The following LRRC4C variants were observed in gnomAD, a reference collection of about 807,000 sequenced individuals.
LRRC4C encodes leucine-rich repeat-containing protein 4C.
Under a neutral mutation model 33.6 loss-of-function variants are expected in LRRC4C, and 5 were observed. The observed-to-expected ratio is 0.15, with a 90% CI of 0.08 to 0.31. The LOEUF is 0.31. Ranked by LOEUF, LRRC4C falls within the 10% of genes least tolerant of loss-of-function variation. The probability of loss-of-function intolerance (pLI) is 1.00; values close to 1 mark genes in which losing one functional copy is unlikely to be tolerated. For missense variants in LRRC4C, 560 were observed against 796.7 expected, an observed-to-expected ratio of 0.70 and a Z score of 3.58; for synonymous variants, 329 against 302.0, an observed-to-expected ratio of 1.09 and a Z score of -0.93.
intron 2 of LRRC4C, among the ~76,000 whole-genome samples, chr11:40,834,907 G>GAC (rs778150169): frequency 0.16 from 7,152 of 44,412 alleles, 210 homozygotes; most frequent in Middle Eastern, 0.23. Flanking sequence ...CAGACAGACA[G>GAC]ACAGACACAC....
chr11:40,825,107 T>C (rs1366392805), intron 2 of LRRC4C, among the ~76,000 whole-genome samples: 1 of 151,892 alleles, frequency 6.6e-6, no homozygotes, highest in Non-Finnish European at 1.5e-5. Flanking sequence ...AACTCCGAGG[T>C]AGATGTTAAA....
intron 4 of LRRC4C, among the ~76,000 whole-genome samples, chr11:40,306,464 T>C (rs983665208): frequency 6.6e-6 from 1 of 152,156 alleles, no homozygotes; most frequent in Admixed American, 6.5e-5. Context: ...CACCCACACA[T>C]TCATTTATGT....
At chr11:40,306,894 T>C (rs894969459) in intron 4 of LRRC4C, among the ~76,000 whole-genome samples, 26 of 152,024 alleles carry the variant, frequency 1.7e-4, no homozygotes, top group African/African-American at 6.0e-4. Flanking sequence ...CGATTACTCA[T>C]CTATAAAATA....
At chr11:41,011,018 G>A (rs201904293) in intron 1 of LRRC4C, among the ~76,000 whole-genome samples, 1 of 152,120 alleles carries the variant, frequency 6.6e-6, no homozygotes, top group African/African-American at 2.4e-5. Flanking sequence ...TTACTGGCTT[G>A]AACAAGTCAT....
At chr11:40,813,395 A>G (rs1239004445) in intron 2 of LRRC4C, among the ~76,000 whole-genome samples, 1 of 152,152 alleles carries the variant, frequency 6.6e-6, no homozygotes, top group African/African-American at 2.4e-5. Context: ...TCCCATTTAT[A>G]AAACCATCAG....
intron 2 of LRRC4C, among the ~76,000 whole-genome samples, chr11:40,680,360 T>C (rs1944623695): frequency 6.6e-6 from 1 of 152,130 alleles, no homozygotes; most frequent in African/African-American, 2.4e-5. Context: ...TGGGGGACTG[T>C]TGGGAGGCAT....
chr11:40,766,980 T>C lies in LRRC4C; in HGVS notation c.-406-118702A>G, dbSNP rs78424044. On this transcript the variant is annotated intron_variant, in intron 2 of 6. Transcript: ENST00000528697. ...AAGTCCTTACTTACCAATTATAGCA[T>C]TGAATGTAAATGGACTAAACTCTCC... Among the ~76,000 whole-genome samples, 1,397 of 151,712 alleles carry C rather than the reference T, an allele frequency of 9.2e-3. 11 individuals carry two copies. The highest frequency in any genetic ancestry group is 0.013 in the Non-Finnish European group (910 of 67,930).
chr11:40,463,976 C>G (rs1952532654), intron 3 of LRRC4C, among the ~76,000 whole-genome samples: 1 of 152,034 alleles, frequency 6.6e-6, no homozygotes, highest in Non-Finnish European at 1.5e-5. Context: ...ATCCCTAACT[C>G]ATTCTGCATG....
intron 1 of LRRC4C, among the ~76,000 whole-genome samples, chr11:41,033,499 A>G (rs907717565): frequency 5.9e-5 from 9 of 152,040 alleles, no homozygotes; most frequent in African/African-American, 1.9e-4. Flanking sequence ...AGAAAATTAT[A>G]TACAGGGTGA....
intron 3 of LRRC4C, among the ~76,000 whole-genome samples, chr11:40,469,225 G>A (rs935996944): frequency 1.3e-5 from 2 of 152,154 alleles, no homozygotes; most frequent in Non-Finnish European, 1.5e-5. Flanking sequence ...TGCAGCCCAC[G>A]GAGGGCGAGC....
At chr11:40,813,324 C>T (rs768573244) in intron 2 of LRRC4C, among the ~76,000 whole-genome samples, 42 of 152,154 alleles carry the variant, frequency 2.8e-4, no homozygotes, top group Admixed American at 2.6e-4. Flanking sequence ...TGGCGGAAGG[C>T]AAAGGAGGAG....
intron 3 of LRRC4C, among the ~76,000 whole-genome samples, chr11:40,320,117 T>C (rs987923256): frequency 6.6e-6 from 1 of 152,206 alleles, no homozygotes; most frequent in Admixed American, 6.5e-5. Flanking sequence ...TTTAAAAGAC[T>C]TCCTGCTCTT....
At chr11:40,719,882 TAC>T (rs1192007973) in intron 2 of LRRC4C, among the ~76,000 whole-genome samples, 1 of 152,182 alleles carries the variant, frequency 6.6e-6, no homozygotes, top group Non-Finnish European at 1.5e-5. Context: ...GTATTCAGAT[TAC>T]AGTCTGAATC....
At chr11:40,487,881 G>A (rs1953946547) in intron 3 of LRRC4C, among the ~76,000 whole-genome samples, 1 of 152,018 alleles carries the variant, frequency 6.6e-6, no homozygotes, top group Admixed American at 6.6e-5. Flanking sequence ...ATTGATATAT[G>A]TACCACTTCT....
At chr11:41,142,817 C>T (rs1276499371) in intron 1 of LRRC4C, among the ~76,000 whole-genome samples, 2 of 147,822 alleles carry the variant, frequency 1.4e-5, no homozygotes, top group South Asian at 4.2e-4. Flanking sequence ...ATGTGCTTGT[C>T]AATGGTGCAG....
chr11:41,208,116 A>G (rs930451725), intron 1 of LRRC4C, among the ~76,000 whole-genome samples: 16 of 152,204 alleles, frequency 1.1e-4, no homozygotes, highest in African/African-American at 3.9e-4. Context: ...TGAACATTAA[A>G]GGTGCTTCTG....
intron 2 of LRRC4C, among the ~76,000 whole-genome samples, chr11:40,652,328 G>A (rs2136156232): frequency 6.6e-6 from 1 of 152,260 alleles, no homozygotes; most frequent in East Asian, 1.9e-4. Context: ...AACTCAAATA[G>A]ATTCAAACAG....
rs138318668 is a variant in LRRC4C at position 41,095,400 on chromosome 11, G to A, written c.-495-161677C>T. Among the ~76,000 whole-genome samples the A allele has an allele frequency of 8.9e-3, 1,350 of 152,236 alleles. 20 individuals are homozygous for A. Among genetic ancestry groups the A allele is most frequent in the African/African-American group, 0.03 (1,240 of 41,538 alleles). On this transcript the variant is annotated intron_variant, in intron 1 of 6. Transcript: ENST00000528697. The stretch of plus-strand genomic sequence containing the variant: ...GACACAGAGTCAAACTGTATTAGGA[G>A]GGGTACTTAATACCTACCTTTTGTG...
chr11:41,199,711 C>T (rs1222076778), intron 1 of LRRC4C, among the ~76,000 whole-genome samples: 1 of 152,018 alleles, frequency 6.6e-6, no homozygotes, highest in Non-Finnish European at 1.5e-5. Context: ...AAACTCCAGC[C>T]ATGCCAGCGT....
Sources: allele counts gnomAD v4.1 joint callset (sites outside exome capture counted in the v4.1 genomes callset), GRCh38; gene constraint gnomAD v4.1.1; transcripts MANE v1.5; gene names NCBI Gene and HGNC (gene_info 2026-07-23, HGNC 2026-07-21).